The following PDGFRA variants were observed in gnomAD, a reference collection of about 807,000 sequenced individuals.
PDGFRA encodes the protein platelet derived growth factor receptor alpha.
A neutral mutation model predicts 121.5 loss-of-function variants in PDGFRA; 25 were observed. The observed-to-expected ratio is 0.21, with a 90% CI of 0.15 to 0.29. The LOEUF (loss-of-function observed/expected upper bound fraction) is 0.29. Ranked by LOEUF, PDGFRA falls within the 10% of genes least tolerant of loss-of-function variation. The pLI is 1.00. For missense variants in PDGFRA, 1,008 were observed against 1,345.1 expected (o/e 0.75, Z 3.92); for synonymous variants, 463 against 494.8 (o/e 0.94, Z 0.85).
chr4:54,273,598 A>C lies in PDGFRA; in HGVS notation c.1426A>C (p.Ile476Leu), dbSNP rs1329845160. ...ANNVSNIITEIHSRDRSTVEG... is the reference protein window; with the variant it reads ...ANNVSNIITELHSRDRSTVEG... The stretch of plus-strand genomic sequence containing the variant: ...CAATGTCTCAAACATCATCACGGAG[A>C]TCCACTCCCGAGACAGGAGTACCGT... Residue 476 changes from isoleucine (I) to leucine (L), a missense_variant, in exon 10 of 23, where the codon ATC becomes CTC. Around this residue, in one of 5 missense-constraint regions of PDGFRA, gnomAD observed 575 missense variants for 701.8 expected, o/e 0.82. Coordinates refer to ENST00000257290, the MANE Select transcript of PDGFRA (RefSeq NM_006206.6). 2.9e-5 allele frequency: 46 copies of C among 1,613,956 alleles called. No individual in the cohort carries two copies. The highest frequency in any genetic ancestry group is 3.9e-5 in the Non-Finnish European group (46 of 1,179,998).
At chr4:54,239,615 A>AT (rs1721189056) in intron 1 of PDGFRA, among the ~76,000 whole-genome samples, 1 of 151,972 alleles carries the variant, frequency 6.6e-6, no homozygotes, top group Admixed American at 6.6e-5. Flanking sequence ...ACTTGCTAAC[A>AT]TTTTTTTCTC....
Position 54,298,139 on chromosome 4 carries a change from G to T in PDGFRA, c.*2867G>T. ...GTGTGAGAAAAACTAACTTGATAGG[G>T]TCTACCAATACAAAATGTATTACGA... On this transcript the variant is annotated 3_prime_UTR_variant, in exon 23 of 23. Coordinates refer to ENST00000257290, the MANE Select transcript of PDGFRA (RefSeq NM_006206.6). 4.6e-6 allele frequency: 1 copy of T among 216,628 alleles called. No individual in the cohort carries two copies. The highest frequency in any genetic ancestry group is 9.3e-6 in the Non-Finnish European group (1 of 107,262). 13.4% of individuals were successfully genotyped at this position (216,628 alleles called of 1,614,324 possible).
At chr4:54,239,184 A>ACTCTATATGG (rs1160224282) in intron 1 of PDGFRA, among the ~76,000 whole-genome samples, 1 of 152,112 alleles carries the variant, frequency 6.6e-6, no homozygotes, top group Non-Finnish European at 1.5e-5. Flanking sequence ...GACCAGAGAT[A>ACTCTATATGG]CTCTATATGG....
In PDGFRA at chr4:54,261,417, G is replaced by A. The variant is rs1173755064; in HGVS notation, c.367+5G>A. On this transcript the variant is annotated splice_donor_5th_base_variant and intron_variant, in intron 3 of 22. Transcript: ENST00000257290. Reference sequence around the variant, plus strand: ...ACATTTACATCTATGTGCCAGGTGAGTTGGCTGGGTCTCCAGGACCAAGCT... The same window carrying A: ...ACATTTACATCTATGTGCCAGGTGAATTGGCTGGGTCTCCAGGACCAAGCT... 2 of 1,610,612 alleles carry A rather than the reference G, an allele frequency of 1.2e-6. No individual in the cohort carries two copies. The highest frequency in any genetic ancestry group is 3.3e-5 in the Admixed American group (2 of 59,988).
rs1418641601 is a variant in PDGFRA, at chr4:54,290,509, A to G, written c.3077A>G (p.Asp1026Gly). 17 of 1,613,966 alleles carry G rather than the reference A, an allele frequency of 1.1e-5. No homozygotes were observed. Among genetic ancestry groups the G allele is most frequent in the African/African-American group, 5.3e-5 (4 of 74,920 alleles). ...SGYIIPLPDI[D>G]PVPEEEDLGK... ...TACATCATTCCTCTGCCTGACATTG[A>G]CCCTGTCCCTGAGGAGGAGGACCTG... The change falls in exon 22 of 23, where the codon GAC becomes GGC. Residue 1026 changes from aspartate (D) to glycine (G), a missense_variant. By Grantham distance (94) the Asp-to-Gly change is moderately conservative. Coordinates refer to ENST00000257290, the MANE Select transcript of PDGFRA (RefSeq NM_006206.6).
intron 12 of PDGFRA, 106 bp downstream of exon 12, chr4:54,275,079 A>G: frequency 8.2e-7 from 1 of 1,214,660 alleles, no homozygotes; most frequent in Non-Finnish European, 1.2e-6. Flanking sequence ...CTTAGTAAGA[A>G]CTAGGCAATG....
At chr4:54,248,629 G>T (rs1321099139) in intron 1 of PDGFRA, among the ~76,000 whole-genome samples, 1 of 152,154 alleles carries the variant, frequency 6.6e-6, no homozygotes, top group Non-Finnish European at 1.5e-5. Flanking sequence ...GAAAACCTAG[G>T]CATTACCATT....
At chr4:54,244,429 G>C (rs184645409) in intron 1 of PDGFRA, among the ~76,000 whole-genome samples, 1 of 152,188 alleles carries the variant, frequency 6.6e-6, no homozygotes, top group Admixed American at 6.5e-5. Context: ...CTGTTCTGCC[G>C]CCACTGCTGC....
At chr4:54,266,530 T>C (rs1176173919) in intron 5 of PDGFRA, among the ~76,000 whole-genome samples, 1 of 151,960 alleles carries the variant, frequency 6.6e-6, no homozygotes, top group Non-Finnish European at 1.5e-5. Flanking sequence ...TGATTACACA[T>C]GTGAGCCTCT....
intron 1 of PDGFRA, among the ~76,000 whole-genome samples, chr4:54,239,828 T>A (rs1353572077): frequency 2.0e-5 from 3 of 149,576 alleles, no homozygotes; most frequent in Non-Finnish European, 2.9e-5. Flanking sequence ...GTTTCTTTTT[T>A]AAAAAAAATT....
intron 2 of PDGFRA, among the ~76,000 whole-genome samples, chr4:54,260,411 T>TG (rs1560465931): frequency 7.3e-4 from 69 of 94,194 alleles, no homozygotes; most frequent in South Asian, 3.2e-3. Flanking sequence ...TTTTTTTTTT[T>TG]TTTTTTTTTT....
intron 16 of PDGFRA, 101 bp downstream of exon 16, chr4:54,280,583 C>A: frequency 2.1e-6 from 2 of 962,642 alleles, no homozygotes; most frequent in East Asian, 2.6e-5. Flanking sequence ...GTAAGTGAAC[C>A]TGGCAGCCCA....
Position 54,297,711 on chromosome 4 carries a change from C to A in PDGFRA, c.*2439C>A, listed in dbSNP as rs1724944501. 4.3e-6 allele frequency: 1 copy of A among 233,518 alleles called. No individual in the cohort carries two copies. Among genetic ancestry groups the A allele is most frequent in the Admixed American group, 5.6e-5 (1 of 17,768 alleles). The allele number at this position is 233,518 out of a possible 1,614,324, so 14.5% of individuals were successfully genotyped here. A position where few individuals can be genotyped will look rare whatever the true frequency, so the allele number is the denominator to read the frequency against. ...AGATTTGTTTCCTTTTGGCCTCCTG[C>A]AAAGTCTCCAGAAGAAAATTTGCCA... On this transcript the variant is annotated 3_prime_UTR_variant, in exon 23 of 23. Transcript: ENST00000257290.
chr4:54,260,136 C>T (rs915364871), intron 2 of PDGFRA, among the ~76,000 whole-genome samples: 3 of 152,118 alleles, frequency 2.0e-5, no homozygotes, highest in Non-Finnish European at 4.4e-5. Flanking sequence ...TTGGGTTTTA[C>T]TTACCAATTG....
chr4:54,264,170 A>G (rs1722910330), intron 4 of PDGFRA: 2 of 563,234 alleles, frequency 3.6e-6, no homozygotes, highest in Non-Finnish European at 6.2e-6. Flanking sequence ...AAAATACTGT[A>G]AGGAATTCTT....
Position 54,253,734 on chromosome 4 carries a change from G to A in PDGFRA, c.-12-5023G>A, listed in dbSNP as rs185750857. Among the ~76,000 whole-genome samples the A allele has an allele frequency of 7.0e-3, 1,062 of 152,186 alleles. 9 individuals carry two copies. The highest frequency in any genetic ancestry group is 0.024 in the African/African-American group (1,001 of 41,526). On this transcript the variant is annotated intron_variant, in intron 1 of 22. Transcript: ENST00000257290. The stretch of plus-strand genomic sequence containing the variant: ...GAGCCTTGCTCTGTTGCCCAGGCTG[G>A]AGTGCAGTGGTGTGATCTTGGCTCA...
chr4:54,238,873 G>A (rs901548190), intron 1 of PDGFRA, among the ~76,000 whole-genome samples: 8 of 152,136 alleles, frequency 5.3e-5, no homozygotes, highest in African/African-American at 1.7e-4. Flanking sequence ...TGGTCTGAGG[G>A]GCAGTTGGGT....
chr4:54,279,902 T>TTATA (rs34230327), intron 15 of PDGFRA, among the ~76,000 whole-genome samples: 1,543 of 147,642 alleles, frequency 0.01, 13 homozygotes, highest in Middle Eastern at 0.024. Context: ...TATAGCTGAG[T>TTATA]TACATATATA....
chr4:54,293,429 CTTTTTTT>C (rs35064429), intron 22 of PDGFRA, among the ~76,000 whole-genome samples: 2 of 116,128 alleles, frequency 1.7e-5, no homozygotes, highest in Admixed American at 1.0e-4. Context: ...CCTAGAATTT[CTTTTTTT>C]TTTTTTTTTT....
Sources: allele counts gnomAD v4.1 joint callset (sites outside exome capture counted in the v4.1 genomes callset), GRCh38; gene constraint gnomAD v4.1.1; regional missense constraint gnomAD v4.1.1; transcripts MANE v1.5; gene names NCBI Gene and HGNC (gene_info 2026-07-23, HGNC 2026-07-21).